The following PRH1 variants were observed in gnomAD, a reference collection of about 807,000 sequenced individuals.
PRH1 encodes salivary acidic proline-rich phosphoprotein 1/2.
A neutral mutation model predicts 7.9 loss-of-function variants in PRH1; 7 were observed. The ratio of observed to expected loss-of-function variants is 0.89; its 90% CI spans 0.50 to 1.67. PRH1 has a LOEUF of 1.67. Among genes scored for constraint, PRH1 ranks in the 40% most tolerant of loss-of-function variants. The probability of loss-of-function intolerance (pLI) is 0.00; values close to 1 mark genes in which losing one functional copy is unlikely to be tolerated. For missense variants in PRH1, 109 were observed against 223.6 expected (o/e 0.49, Z 3.27); for synonymous variants, 45 against 80.8 (o/e 0.56, Z 2.38).
At chr12:11,070,963 GA>G (rs1257940798) in intron 1 of PRH1, among the ~76,000 whole-genome samples, 1 of 147,346 alleles carries the variant, frequency 6.8e-6, no homozygotes, top group Non-Finnish European at 1.5e-5. Context: ...TTTTTTCTAA[GA>G]AAAAGAGAAT....
At chr12:11,084,230 GCCA>G (rs1389014346) in intron 1 of PRH1, among the ~76,000 whole-genome samples, 29,372 of 95,206 alleles carry the variant, frequency 0.31, 7,242 homozygotes, top group Non-Finnish European at 0.41. Context: ...GCACCCTTCT[GCCA>G]AAGTAAAGAT....
intron 1 of PRH1, among the ~76,000 whole-genome samples, chr12:11,107,020 G>A (rs1417552831): frequency 6.6e-6 from 1 of 151,890 alleles, no homozygotes; most frequent in African/African-American, 2.4e-5. Context: ...TTGGGGTAGG[G>A]GAGCGAGAAA....
chr12:11,060,361 C>T (rs984994285), intron 1 of PRH1, among the ~76,000 whole-genome samples: 3 of 151,958 alleles, frequency 2.0e-5, no homozygotes, highest in African/African-American at 7.2e-5. Context: ...AATTTCTATA[C>T]TATTTTTACA....
At chr12:11,167,898 T>C (rs1450987854) in intron 1 of PRH1, among the ~76,000 whole-genome samples, 1 of 150,922 alleles carries the variant, frequency 6.6e-6, no homozygotes, top group East Asian at 1.9e-4. Flanking sequence ...CATAAATGCA[T>C]GCTATATCAT....
intron 2 of PRH1, among the ~76,000 whole-genome samples, chr12:10,955,062 T>G (rs994710795): frequency 4.6e-5 from 7 of 152,068 alleles, no homozygotes; most frequent in Non-Finnish European, 1.0e-4. Flanking sequence ...GGACCTGAAA[T>G]AGACACTTAA....
At chr12:11,061,020 T>C (rs1012147889) in intron 1 of PRH1, among the ~76,000 whole-genome samples, 1 of 152,176 alleles carries the variant, frequency 6.6e-6, no homozygotes, top group Admixed American at 6.6e-5. Context: ...ATATAGATCA[T>C]AAATTATTCA....
intron 1 of PRH1, among the ~76,000 whole-genome samples, chr12:11,074,449 G>A (rs1944215303): frequency 8.8e-6 from 1 of 113,440 alleles, no homozygotes. Context: ...ACCGCTGGAG[G>A]TGAGAGTTCC....
intron 1 of PRH1, among the ~76,000 whole-genome samples, chr12:11,037,644 A>C (rs924429180): frequency 6.6e-6 from 1 of 152,270 alleles, no homozygotes; most frequent in African/African-American, 2.4e-5. Context: ...AAAAGTGTCT[A>C]TCAATAATAA....
chr12:11,064,452 C>G (rs1042909554), intron 1 of PRH1, among the ~76,000 whole-genome samples: 1 of 151,856 alleles, frequency 6.6e-6, no homozygotes, highest in South Asian at 2.1e-4. Flanking sequence ...TGAACAGTTA[C>G]GAATAATTCT....
chr12:10,933,860 C>A (rs1400791758), intron 2 of PRH1, among the ~76,000 whole-genome samples: 1 of 151,878 alleles, frequency 6.6e-6, no homozygotes, highest in Admixed American at 6.6e-5. Flanking sequence ...ATTAGATAAA[C>A]AAGCACATAA....
chr12:11,080,325 G>A (rs572020485), intron 1 of PRH1, among the ~76,000 whole-genome samples: 6 of 103,614 alleles, frequency 5.8e-5, no homozygotes, highest in Non-Finnish European at 9.3e-5. Flanking sequence ...ACTTCTTTTC[G>A]CTTCTGTATA....
At chr12:10,955,460 A>G (rs1937906272) in intron 2 of PRH1, among the ~76,000 whole-genome samples, 1 of 152,180 alleles carries the variant, frequency 6.6e-6, no homozygotes, top group African/African-American at 2.4e-5. Flanking sequence ...TCGTAGCAAT[A>G]AACACTCACA....
chr12:11,108,182 G>T, intron 1 of PRH1, among the ~76,000 whole-genome samples: 1 of 152,076 alleles, frequency 6.6e-6, no homozygotes. Flanking sequence ...AATTTCAAAC[G>T]GATTACTTCA....
chr12:11,025,394 G>A (rs72475484), intron 1 of PRH1, among the ~76,000 whole-genome samples: 1 of 58,728 alleles, frequency 1.7e-5, no homozygotes, highest in Non-Finnish European at 4.9e-5. Context: ...TTGAATTCCT[G>A]CTTCCATGTT....
chr12:10,960,482 A>G (rs897649212), intron 2 of PRH1, among the ~76,000 whole-genome samples: 12 of 152,226 alleles, frequency 7.9e-5, no homozygotes, highest in African/African-American at 2.9e-4. Flanking sequence ...GGTTTCTGGT[A>G]CTTTGTATGT....
At chr12:10,904,113 A>G (rs2135815042) in intron 2 of PRH1, among the ~76,000 whole-genome samples, 1 of 151,864 alleles carries the variant, frequency 6.6e-6, no homozygotes, top group East Asian at 1.9e-4. Flanking sequence ...CAATTTACAG[A>G]TTCAACTCTA....
At position 10,927,532 on chromosome 12, in the gene PRH1, C is replaced by T. The variant is rs1474976454; in HGVS notation, c.-58-43257G>A. ...GAATGCATTCCCACTTCAAATATGT[C>T]TATATTTATTTCAGGGAAAATATCA... On this transcript the variant is annotated intron_variant, in intron 2 of 3. Coordinates refer to the PRH1 transcript ENST00000539853. 5.9e-5 allele frequency among the ~76,000 whole-genome samples: 9 copies of T among 152,188 alleles called. No individual in the cohort carries two copies. In the East Asian group the frequency reaches 1.7e-3, roughly 29 times the overall value.
intron 1 of PRH1, among the ~76,000 whole-genome samples, chr12:10,984,010 T>A (rs990998316): frequency 6.6e-6 from 1 of 152,210 alleles, no homozygotes; most frequent in Admixed American, 6.5e-5. Flanking sequence ...AATATGGCAA[T>A]TTAAATGTTC....
At chr12:11,001,007 G>GT (rs34230211) in intron 1 of PRH1, among the ~76,000 whole-genome samples, 44,503 of 151,678 alleles carry the variant, frequency 0.29, 8,259 homozygotes, top group East Asian at 0.74. Flanking sequence ...GGTTGGCTTT[G>GT]TTTTTTTGTT....
Sources: gnomAD v4.1 joint callset for allele counts (sites outside exome capture counted in the v4.1 genomes callset) on GRCh38, gnomAD v4.1.1 for gene constraint, MANE v1.5 for transcripts, NCBI Gene and HGNC (gene_info 2026-07-23, HGNC 2026-07-21) for gene names.